LRRC3C: variants seen among roughly 807,000 people sequenced by gnomAD.
The protein encoded by LRRC3C is leucine rich repeat containing 3C.
LRRC3C carries 11 observed loss-of-function variants against 14.8 expected under a neutral mutation model. The ratio of observed to expected loss-of-function variants is 0.74; its 90% CI spans 0.47 to 1.23. The LOEUF (loss-of-function observed/expected upper bound fraction) is 1.23, where lower values mean the gene tolerates loss of function less well. LRRC3C is among the 50% of genes most tolerant of loss of function. The probability of loss-of-function intolerance (pLI) is 0.00; values close to 1 mark genes in which losing one functional copy is unlikely to be tolerated. For missense variants in LRRC3C, 354 were observed against 361.8 expected (o/e 0.98, Z 0.18); for synonymous variants, 149 against 161.5 (o/e 0.92, Z 0.59).
At position 39,944,497 on chromosome 17, in the gene LRRC3C, G is replaced by A. The variant is rs1170660511; in HGVS notation, c.591G>A (p.Gly197=). Residue 197 remains glycine, a synonymous_variant, in exon 4 of 4, where the codon GGG becomes GGA. Coordinates refer to ENST00000377924, the MANE Select transcript of LRRC3C (RefSeq NM_001195545.2). The part of the protein sequence containing the change: ...CGSGARPDLV[G]QEFLLLAGEE... ...CAGGAGCCCGACCGGACCTCGTGGG[G>A]CAGGAGTTCCTGCTGCTGGCAGGGG... is the stretch of plus-strand genomic sequence containing the variant. 1.3e-6 allele frequency: 2 copies of A among 1,490,896 alleles called. No homozygotes were observed. 92.4% of individuals were successfully genotyped at this position (1,490,896 alleles called of 1,614,324 possible).
chr17:39,931,520 A>G (rs1978649984), intron 1 of LRRC3C, among the ~76,000 whole-genome samples: 1 of 151,840 alleles, frequency 6.6e-6, no homozygotes, highest in African/African-American at 2.4e-5. Flanking sequence ...GAAATGATAC[A>G]GTGATTGCAT....
intron 2 of LRRC3C, among the ~76,000 whole-genome samples, chr17:39,938,534 C>CA (rs555897366): frequency 0.49 from 57,101 of 115,440 alleles, 12,142 homozygotes; most frequent in East Asian, 0.61. Flanking sequence ...CTCATCTCTA[C>CA]AAAAAAAAAA....
intron 2 of LRRC3C, chr17:39,939,627 C>T (rs1388642944): frequency 6.5e-6 from 1 of 152,820 alleles, no homozygotes; most frequent in Non-Finnish European, 1.5e-5. Context: ...CTGTCTATGT[C>T]CCCTTCAACT....
intron 2 of LRRC3C, among the ~76,000 whole-genome samples, chr17:39,938,829 T>C (rs1388861249): frequency 6.6e-6 from 1 of 151,666 alleles, no homozygotes; most frequent in South Asian, 2.1e-4. Flanking sequence ...CTGCTAAAAA[T>C]ACAAAAATTA....
chr17:39,934,263 T>C (rs1978737154), intron 1 of LRRC3C, among the ~76,000 whole-genome samples: 1 of 152,210 alleles, frequency 6.6e-6, no homozygotes, highest in African/African-American at 2.4e-5. Context: ...TTCTTTGATA[T>C]GGACAATTGA....
At chr17:39,932,418 C>A (rs1252273144) in intron 1 of LRRC3C, among the ~76,000 whole-genome samples, 1 of 152,014 alleles carries the variant, frequency 6.6e-6, no homozygotes, top group Non-Finnish European at 1.5e-5. Context: ...AAAAACAGAC[C>A]TTGGGCCGGG....
chr17:39,935,588 G>C (rs888391536), intron 1 of LRRC3C, among the ~76,000 whole-genome samples: 1 of 152,158 alleles, frequency 6.6e-6, no homozygotes, highest in Non-Finnish European at 1.5e-5. Flanking sequence ...AGGAGGTTGA[G>C]GCTGCAAGTG....
chr17:39,935,898 G>T lies in LRRC3C; in HGVS notation c.-82+4G>T. ...CCTGGCTGACCTGATAAAGAAGGTA[G>T]CCCTTCCTTATCTATCTTCTCTATC... On this transcript the variant is annotated splice_donor_region_variant and intron_variant, in intron 2 of 3. Transcript: ENST00000377924. The T allele has an allele frequency of 1.3e-5, 13 of 984,694 alleles. No homozygotes were observed. The highest frequency in any genetic ancestry group is 1.6e-5 in the Non-Finnish European group (13 of 829,290). 61.0% of individuals were successfully genotyped at this position (984,694 alleles called of 1,614,324 possible).
intron 2 of LRRC3C, among the ~76,000 whole-genome samples, chr17:39,936,301 T>G (rs1000787457): frequency 6.6e-6 from 1 of 152,224 alleles, no homozygotes; most frequent in Non-Finnish European, 1.5e-5. Context: ...CTGCTGGTCT[T>G]GGGCCTAGCC....
rs568365454 is a variant in LRRC3C, at chr17:39,944,632, T to C, written c.726T>C (p.His242=). ...WLTLMVAYLV[H]YVWQNRDETR... ...CACTCATGGTGGCTTATCTGGTGCA[T>C]TATGTGTGGCAGAACCGAGATGAGA... Residue 242 remains histidine, a synonymous_variant, in exon 4 of 4, where the codon CAT becomes CAC. Transcript: ENST00000377924. 1.1e-4 allele frequency: 169 copies of C among 1,535,886 alleles called. No homozygotes were observed. The African/African-American group carries it at 2.1e-3, about 19-fold the overall frequency.
intron 1 of LRRC3C, chr17:39,929,172 C>T (rs1285254640): frequency 1.3e-5 from 2 of 152,146 alleles, no homozygotes; most frequent in Non-Finnish European, 2.9e-5. Flanking sequence ...CTGCTTGACT[C>T]CTTTGATTTT....
chr17:39,940,614 AT>A (rs57302825), intron 2 of LRRC3C, among the ~76,000 whole-genome samples: 80,181 of 147,184 alleles, frequency 0.54, 21,674 homozygotes, highest in East Asian at 0.71. Context: ...CATTTGGACA[AT>A]TTTTTTTTTT....
chr17:39,941,349 TAAAAAAAAAAA>T, intron 2 of LRRC3C, 83 bp from the exon 3 acceptor site: 2 of 269,558 alleles, frequency 7.4e-6, no homozygotes, highest in Non-Finnish European at 1.3e-5. Context: ...AGACTTTATC[TAAAAAAAAAAA>T]AAAAAAAAAA....
intron 2 of LRRC3C, among the ~76,000 whole-genome samples, chr17:39,940,614 A>AT (rs57302825): frequency 8.1e-4 from 120 of 147,284 alleles, no homozygotes; most frequent in Middle Eastern, 3.5e-3. Context: ...CATTTGGACA[A>AT]TTTTTTTTTT....
At chr17:39,932,889 T>C (rs936947792) in intron 1 of LRRC3C, among the ~76,000 whole-genome samples, 5 of 150,404 alleles carry the variant, frequency 3.3e-5, no homozygotes, top group African/African-American at 1.2e-4. Flanking sequence ...CCGTCTCTAC[T>C]AAAAATGCAA....
Position 39,944,438 on chromosome 17 carries a change from G to C in LRRC3C, c.532G>C (p.Val178Leu), listed in dbSNP as rs1979028253. Residue 178 changes from valine to leucine, a missense_variant, in exon 4 of 4, where the codon GTG (valine) becomes CTG (leucine). Physicochemically the swap from Val to Leu is conservative, Grantham distance 32 (BLOSUM62 1). Transcript: ENST00000377924. ...LQEVLRQVRL[V>L]PGTGTGIVCG... is the part of the protein sequence containing the mutation. ...GGAAGTGCTCCGGCAGGTGAGGCTG[G>C]TGCCGGGCACTGGGACAGGCATCGT... 6.7e-7 allele frequency: 1 copy of C among 1,489,912 alleles called. No homozygotes were observed. Among genetic ancestry groups the C allele is most frequent in the Non-Finnish European group, 8.9e-7 (1 of 1,122,016 alleles). The allele number at this position is 1,489,912 out of a possible 1,614,324, so 92.3% of individuals were successfully genotyped here. A position where few individuals can be genotyped will look rare whatever the true frequency, so the allele number is the denominator to read the frequency against.
At chr17:39,933,482 C>T (rs943038868) in intron 1 of LRRC3C, among the ~76,000 whole-genome samples, 1 of 152,192 alleles carries the variant, frequency 6.6e-6, no homozygotes, top group African/African-American at 2.4e-5. Context: ...CGCCTGTAAT[C>T]CCAGCACTTT....
At position 39,940,046 on chromosome 17, in the gene LRRC3C, G is replaced by A. The variant is rs80343225; in HGVS notation, c.-81-1397G>A. Among the ~76,000 whole-genome samples, 457 of 152,340 alleles carry A rather than the reference G, an allele frequency of 3.0e-3. 11 individuals are homozygous for A. In the East Asian group the frequency reaches 0.064, roughly 21 times the overall value. Reference sequence around the variant, plus strand: ...CTGTCCCACATTCAGCTACAGTCCCGAAATGGACACCAAGTAGCCAGCAGC... The same window carrying A: ...CTGTCCCACATTCAGCTACAGTCCCAAAATGGACACCAAGTAGCCAGCAGC... On this transcript the variant is annotated intron_variant, in intron 2 of 3. Coordinates refer to ENST00000377924, the MANE Select transcript of LRRC3C (RefSeq NM_001195545.2).
chr17:39,927,906 G>A (rs1310776873), intron 1 of LRRC3C, 92 bp downstream of exon 1: 2 of 971,694 alleles, frequency 2.1e-6, no homozygotes, highest in East Asian at 2.3e-4. Context: ...GGACTTGTAA[G>A]TAACTTTCTG....
Sources: allele counts gnomAD v4.1 joint callset (sites outside exome capture counted in the v4.1 genomes callset), GRCh38; gene constraint gnomAD v4.1.1; transcripts MANE v1.5; gene names NCBI Gene and HGNC (gene_info 2026-07-23, HGNC 2026-07-21).